Variants in RASGRF1 observed in about 807,000 individuals in gnomAD.
The protein encoded by RASGRF1 is Ras protein specific guanine nucleotide releasing factor 1, also known as ras-specific guanine nucleotide-releasing factor 1.
A neutral mutation model predicts 138.7 loss-of-function variants in RASGRF1; 40 were observed. The ratio of observed to expected loss-of-function variants is 0.29; its 90% CI spans 0.22 to 0.38. The LOEUF (loss-of-function observed/expected upper bound fraction) is 0.38. Ranked by LOEUF, RASGRF1 falls within the 10% of genes least tolerant of loss-of-function variation. The probability of loss-of-function intolerance (pLI) is 1.00; values close to 1 mark genes in which losing one functional copy is unlikely to be tolerated. For missense variants in RASGRF1, 1,108 were observed against 1,650.4 expected (o/e 0.67, Z 5.69); for synonymous variants, 614 against 663.2 (o/e 0.93, Z 1.14).
At chr15:79,037,061 C>A (rs1370160523) in intron 5 of RASGRF1, among the ~76,000 whole-genome samples, 2 of 152,138 alleles carry the variant, frequency 1.3e-5, no homozygotes, top group Admixed American at 6.5e-5. Flanking sequence ...CTTCTTATGA[C>A]CCTTGGTAAG....
At chr15:78,999,638 CT>C in intron 17 of RASGRF1, 104 bp downstream of exon 17, 1 of 1,420,394 alleles carries the variant, frequency 7.0e-7, no homozygotes, top group Non-Finnish European at 9.7e-7. Context: ...CTTAGCACAC[CT>C]TAAACACCCA....
chr15:79,044,737 T>C (rs147857417), intron 5 of RASGRF1, among the ~76,000 whole-genome samples: 1 of 152,360 alleles, frequency 6.6e-6, no homozygotes, highest in Non-Finnish European at 1.5e-5. Context: ...AATATCAGCT[T>C]CATGAGAAGG....
intron 22 of RASGRF1, among the ~76,000 whole-genome samples, chr15:78,986,811 A>T (rs4778753): frequency 0.46 from 69,913 of 152,190 alleles, 19,343 homozygotes; most frequent in East Asian, 0.75. Flanking sequence ...AGAAAAATGA[A>T]TTGTAAAACT....
At position 79,073,914 on chromosome 15, in the gene RASGRF1, C is replaced by T. The variant is rs2057795449; in HGVS notation, c.277-9388G>A. Reference sequence around the variant, plus strand: ...AAGCCCCCCAGGTGATCCTGCTGCACCCTGTGGTATGAGAAGCATTGCTTA... The same window carrying T: ...AAGCCCCCCAGGTGATCCTGCTGCATCCTGTGGTATGAGAAGCATTGCTTA... On this transcript the variant is annotated intron_variant, in intron 1 of 26. Coordinates refer to ENST00000558480, the MANE Select transcript of RASGRF1 (RefSeq NM_001145648.3). The surrounding 1 kb of genome is among the most constrained non-coding windows in gnomAD (Gnocchi z 4.2). 6.6e-6 allele frequency among the ~76,000 whole-genome samples: 1 copy of T among 152,194 alleles called. No homozygotes were observed. Among genetic ancestry groups the T allele is most frequent in the Admixed American group, 6.5e-5 (1 of 15,290 alleles).
chr15:78,970,520 G>T (rs1356775918), intron 26 of RASGRF1, among the ~76,000 whole-genome samples: 3 of 150,486 alleles, frequency 2.0e-5, no homozygotes, highest in African/African-American at 7.3e-5. Flanking sequence ...CTATGCGGGA[G>T]GCTGAGACAG....
chr15:79,010,028 GTTTGTT>G lies in RASGRF1; in HGVS notation c.1827-3600_1827-3595del, dbSNP rs1165436615. Among the ~76,000 whole-genome samples, 71 of 143,368 alleles carry G rather than the reference GTTTGTT, an allele frequency of 5.0e-4. 1 individual carries two copies. Among genetic ancestry groups the G allele is most frequent in the African/African-American group, 1.7e-3 (67 of 39,066 alleles). 94.1% of individuals were successfully genotyped at this position (143,368 alleles called of 152,430 possible). ...GTGAGCCACTGCACCCAGCCTCTTT[GTTTGTT>G]TTTTTTTTTTTTTCTTTTGAGACAG... is the stretch of plus-strand genomic sequence containing the variant. On this transcript the variant is annotated intron_variant, in intron 13 of 26. Transcript: ENST00000558480.
chr15:79,086,761 A>C (rs183414732), intron 1 of RASGRF1, among the ~76,000 whole-genome samples: 4 of 152,204 alleles, frequency 2.6e-5, no homozygotes, highest in Admixed American at 1.3e-4. Flanking sequence ...CCCTACTGAG[A>C]AGCTGGGGCT....
intron 1 of RASGRF1, among the ~76,000 whole-genome samples, chr15:79,070,223 A>G (rs1488541321): frequency 2.6e-5 from 4 of 152,226 alleles, no homozygotes; most frequent in African/African-American, 9.6e-5. Context: ...GATGGAGAGC[A>G]CATGGAAGTC....
At chr15:78,990,048 C>A in intron 22 of RASGRF1, 141 bp downstream of exon 22, 1 of 731,380 alleles carries the variant, frequency 1.4e-6, no homozygotes, top group Non-Finnish European at 2.4e-6. Context: ...CAGCCCGAGG[C>A]CACATGGCAA....
chr15:79,072,155 A>C (rs1475513682), intron 1 of RASGRF1, among the ~76,000 whole-genome samples: 1 of 150,600 alleles, frequency 6.6e-6, no homozygotes, highest in Non-Finnish European at 1.5e-5. Context: ...TGGAGCTCTG[A>C]GATAGCTGGA....
Position 78,973,658 on chromosome 15 carries a change from C to A in RASGRF1, c.3495-238G>T, listed in dbSNP as rs77279085. Among the ~76,000 whole-genome samples, 1 of 152,030 alleles carries A rather than the reference C, an allele frequency of 6.6e-6. No homozygotes were observed. Among genetic ancestry groups the A allele is most frequent in the Non-Finnish European group, 1.5e-5 (1 of 67,994 alleles). On this transcript the variant is annotated intron_variant, in intron 24 of 26. Transcript: ENST00000558480. This position sits in a 1 kb window ranked among gnomAD's most constrained non-coding sequence, Gnocchi z 4.9. Reference sequence around the variant, plus strand: ...TGGTGCTGACTGGGGCCTCTTACACCCACTGGGGCATCTCAGATTGTCTCT... The same window carrying A: ...TGGTGCTGACTGGGGCCTCTTACACACACTGGGGCATCTCAGATTGTCTCT...
Position 79,006,113 on chromosome 15 carries a change from C to A in RASGRF1, c.2075+73G>T, listed in dbSNP as rs569999620. ...GGGACCTTCCAGGTCACCCCCCGGC[C>A]CCGTGCAAGCTCAGTTTTCCTCCAA... On this transcript the variant is annotated intron_variant, in intron 14 of 26. Transcript: ENST00000558480. The surrounding 1 kb of genome is among the most constrained non-coding windows in gnomAD (Gnocchi z 4.0). 11 of 1,595,038 alleles carry A rather than the reference C, an allele frequency of 6.9e-6. No individual in the cohort carries two copies. Among genetic ancestry groups the A allele is most frequent in the Admixed American group, 1.7e-5 (1 of 59,518 alleles).
chr15:78,990,201 C>G lies in RASGRF1; in HGVS notation c.3204G>C (p.Lys1068Asn). 1 of 1,600,074 alleles carries G rather than the reference C, an allele frequency of 6.2e-7. No homozygotes were observed. Reference protein sequence around the residue: ...ERTPYIMKTTKHFNDISNLIA... With the variant: ...ERTPYIMKTTNHFNDISNLIA... ...CATCCATACTCACGTCATTGAAGTG[C>G]TTAGTGGTTTTCATGATATAAGGGG... is the stretch of plus-strand genomic sequence containing the variant. Residue 1068 changes from lysine to asparagine, a missense_variant, in exon 22 of 27, where the codon AAG becomes AAC. By Grantham distance (94) the Lys-to-Asn change is moderately conservative. Coordinates refer to ENST00000558480, the MANE Select transcript of RASGRF1 (RefSeq NM_001145648.3).
Position 79,020,027 on chromosome 15 carries a change from G to A in RASGRF1, c.1606+14C>T, listed in dbSNP as rs1440879759. 1 of 1,613,882 alleles carries A rather than the reference G, an allele frequency of 6.2e-7. No homozygotes were observed. Among genetic ancestry groups the A allele is most frequent in the Admixed American group, 1.7e-5 (1 of 60,028 alleles). On this transcript the variant is annotated intron_variant, in intron 11 of 26. Coordinates refer to ENST00000558480, the MANE Select transcript of RASGRF1 (RefSeq NM_001145648.3). Reference sequence around the variant, plus strand: ...GCAAGCACACACATGCGCACATGCAGCTTTCACACTCACCTTCCTCCTCCG... The same window carrying A: ...GCAAGCACACACATGCGCACATGCAACTTTCACACTCACCTTCCTCCTCCG...
At chr15:78,968,969 T>C (rs2055698180) in intron 26 of RASGRF1, among the ~76,000 whole-genome samples, 1 of 152,190 alleles carries the variant, frequency 6.6e-6, no homozygotes, top group Non-Finnish European at 1.5e-5. Context: ...TATCTCCTCT[T>C]AGTAATTTTC....
Position 79,017,865 on chromosome 15 carries a change from T to C in RASGRF1, c.1648A>G (p.Ile550Val), listed in dbSNP as rs756772526. 6.2e-7 allele frequency: 1 copy of C among 1,613,706 alleles called. No homozygotes were observed. The highest frequency in any genetic ancestry group is 1.7e-5 in the Admixed American group (1 of 59,888). ...GGGGAATCCTTTGGCTCCACCCCGATTTTAAAATCCAAGTGATCTATGTCT... is the reference window on the plus strand; with the variant it reads ...GGGGAATCCTTTGGCTCCACCCCGACTTTAAAATCCAAGTGATCTATGTCT... ...GQDIDHLDFK[I>V]GVEPKDSPPF... The change falls in exon 12 of 27, where the codon ATC becomes GTC. Residue 550 changes from isoleucine to valine, a missense_variant. Ile to Val is a conservative substitution (Grantham distance 29). This residue lies in a region of RASGRF1 where 686 missense variants were observed against 976.7 expected (regional missense o/e 0.70). Transcript: ENST00000558480.
In RASGRF1 at chr15:79,001,708, AGTT is replaced by A; in HGVS notation, c.2526_2528del (p.Thr843del). On this transcript the variant is annotated inframe_deletion, in exon 16 of 27. Transcript: ENST00000558480. ...CTGATTTGGGTGTTGTTGGAGATTT[AGTT>A]GGTGATGTTTCAGTATCACCATCAT... 1 of 1,610,802 alleles carries A rather than the reference AGTT, an allele frequency of 6.2e-7. No individual in the cohort carries two copies. Among genetic ancestry groups the A allele is most frequent in the Non-Finnish European group, 8.5e-7 (1 of 1,177,024 alleles).
chr15:79,078,332 A>G (rs1213886065), intron 1 of RASGRF1, among the ~76,000 whole-genome samples: 1 of 151,948 alleles, frequency 6.6e-6, no homozygotes, highest in Non-Finnish European at 1.5e-5. Context: ...CCACCCCAAG[A>G]GCATCTTCCA....
At position 79,015,292 on chromosome 15, in the gene RASGRF1, T is replaced by C. The variant is rs148535868; in HGVS notation, c.1826+35A>G. On this transcript the variant is annotated intron_variant, in intron 13 of 26. Coordinates refer to ENST00000558480, the MANE Select transcript of RASGRF1 (RefSeq NM_001145648.3). ...ACCTTGTGGTACTCAGTCTCTGGAA[T>C]GCTGCCTGGTCAAGATGGGGTTAAG... The C allele has an allele frequency of 5.5e-4, 872 of 1,574,018 alleles. 3 individuals carry two copies. The African/African-American group carries it at 0.011, about 19-fold the overall frequency.
Sources: allele counts gnomAD v4.1 joint callset (sites outside exome capture counted in the v4.1 genomes callset), GRCh38; gene constraint gnomAD v4.1.1; regional missense constraint gnomAD v4.1.1; non-coding constraint Gnocchi (gnomAD v3.1); transcripts MANE v1.5; gene names NCBI Gene and HGNC (gene_info 2026-07-23, HGNC 2026-07-21).